TMEM164: variants seen among roughly 807,000 people sequenced by gnomAD.
The protein encoded by TMEM164 is RP13-360B22.2.
A neutral mutation model predicts 18.8 loss-of-function variants in TMEM164; 4 were observed. The ratio of observed to expected loss-of-function variants is 0.21; its 90% CI spans 0.10 to 0.49. The LOEUF is 0.49. TMEM164 is among the 20% of genes least tolerant of loss of function. TMEM164 has a pLI of 0.98. For synonymous variants in TMEM164, 86 were observed against 101.7 expected (o/e 0.85, Z 0.93); for missense variants, 108 against 239.9 (o/e 0.45, Z 3.63).
intron 5 of TMEM164, among the ~76,000 whole-genome samples, chrX:110,151,909 A>G (rs887019600): frequency 1.8e-5 from 2 of 112,166 alleles, no homozygotes; most frequent in Non-Finnish European, 3.8e-5. Flanking sequence ...AGCTTGTTAC[A>G]TATAAATATT....
intron 3 of TMEM164, among the ~76,000 whole-genome samples, chrX:110,072,946 A>G (rs1164834955): frequency 9.1e-6 from 1 of 110,448 alleles, no homozygotes; most frequent in East Asian, 2.8e-4. Flanking sequence ...TCAGGTAGTG[A>G]TGAGCATAGT....
intron 3 of TMEM164, among the ~76,000 whole-genome samples, chrX:110,080,633 A>T (rs2065739334): frequency 8.9e-6 from 1 of 112,397 alleles, no homozygotes; most frequent in Admixed American, 9.5e-5. Flanking sequence ...AAATATAGTT[A>T]TACCTTATAT....
At chrX:110,066,542 A>G (rs1007363551) in intron 2 of TMEM164, among the ~76,000 whole-genome samples, 2 of 112,455 alleles carry the variant, frequency 1.8e-5, no homozygotes, top group African/African-American at 6.5e-5. Context: ...GGGAATCAGA[A>G]TTCTTAATGG....
intron 2 of TMEM164, among the ~76,000 whole-genome samples, chrX:110,033,966 C>G: frequency 9.0e-6 from 1 of 110,829 alleles, no homozygotes; most frequent in Non-Finnish European, 1.9e-5. Context: ...CCCCCCCGCC[C>G]CACCGCCCAC....
chrX:110,028,990 T>C (rs1934329832), intron 2 of TMEM164, among the ~76,000 whole-genome samples: 1 of 109,816 alleles, frequency 9.1e-6, no homozygotes, highest in African/African-American at 3.4e-5. Context: ...CATCTATTGA[T>C]CAAAATGTTC....
chrX:110,067,166 A>ACG (rs1936383367), intron 2 of TMEM164, among the ~76,000 whole-genome samples, 181 bp from the exon 3 acceptor site: 1 of 110,820 alleles, frequency 9.0e-6, no homozygotes, highest in Non-Finnish European at 1.9e-5. Context: ...ACACACACAC[A>ACG]CACACACACA....
At chrX:110,006,661 A>C (rs1932747282) in intron 2 of TMEM164, among the ~76,000 whole-genome samples, 1 of 112,178 alleles carries the variant, frequency 8.9e-6, no homozygotes, top group Non-Finnish European at 1.9e-5. Context: ...GACCAATGAT[A>C]GTATGTATAC....
chrX:110,006,076 G>A (rs1185505589), intron 2 of TMEM164, among the ~76,000 whole-genome samples: 3 of 111,612 alleles, frequency 2.7e-5, no homozygotes, highest in Non-Finnish European at 5.6e-5. Flanking sequence ...TACTCTTCCT[G>A]GGCCTCAGTT....
intron 4 of TMEM164, among the ~76,000 whole-genome samples, chrX:110,123,479 C>T (rs2066480748): frequency 1.8e-5 from 2 of 112,043 alleles, no homozygotes; most frequent in South Asian, 3.7e-4. Context: ...GATTGACTAG[C>T]CTGAGGCCAC....
chrX:110,134,266 C>G (rs1167038576), intron 4 of TMEM164, among the ~76,000 whole-genome samples: 1 of 110,900 alleles, frequency 9.0e-6, no homozygotes, highest in Non-Finnish European at 1.9e-5. Flanking sequence ...AAAGGAAGGA[C>G]CAGCCAGACA....
At chrX:110,030,527 A>G (rs1459332179) in intron 2 of TMEM164, among the ~76,000 whole-genome samples, 1 of 107,776 alleles carries the variant, frequency 9.3e-6, no homozygotes, top group African/African-American at 3.4e-5. Flanking sequence ...CATTTAAAAG[A>G]TAGTACATTC....
chrX:110,081,453 G>A (rs1397247939), intron 3 of TMEM164, among the ~76,000 whole-genome samples: 1 of 111,407 alleles, frequency 9.0e-6, no homozygotes, highest in Non-Finnish European at 1.9e-5. Flanking sequence ...ACTAATAGTA[G>A]TACTGGTACT....
chrX:110,002,427 A>C (rs1013974447), upstream of TMEM164, among the ~76,000 whole-genome samples: 1 of 108,404 alleles, frequency 9.2e-6, no homozygotes, highest in East Asian at 2.9e-4. Context: ...AGGAGGAGGG[A>C]GAGCCGAAGC....
At position 110,021,609 on chromosome X, in the gene TMEM164, C is replaced by G. The variant is rs749170172; in HGVS notation, c.390+17445C>G. ...GACACTCATTGCTATGAGGAAACAT[C>G]AGTGTGAAGCGGGGAGCAGGGTAGT... On this transcript the variant is annotated intron_variant, in intron 2 of 6. Coordinates refer to ENST00000372068, the MANE Select transcript of TMEM164 (RefSeq NM_032227.4). 9.0e-5 allele frequency among the ~76,000 whole-genome samples: 10 copies of G among 111,318 alleles called. No homozygotes were observed. The South Asian group carries it at 3.8e-3, about 42-fold the overall frequency.
chrX:110,107,299 C>A (rs1186040034), intron 3 of TMEM164, among the ~76,000 whole-genome samples: 1 of 111,612 alleles, frequency 9.0e-6, no homozygotes, highest in African/African-American at 3.3e-5. Flanking sequence ...GTGGTGTTGA[C>A]CAGATCACCT....
chrX:110,039,439 C>T lies in TMEM164; in HGVS notation c.391-27908C>T, dbSNP rs185121465. ...GAGAGCTGGATGAGTAAGGAAAACTCGAGAGCGGCCTTTGCCAAGGAAATC... is the reference window on the plus strand; with the variant it reads ...GAGAGCTGGATGAGTAAGGAAAACTTGAGAGCGGCCTTTGCCAAGGAAATC... On this transcript the variant is annotated intron_variant, in intron 2 of 6. Coordinates refer to ENST00000372068, the MANE Select transcript of TMEM164 (RefSeq NM_032227.4). Among the ~76,000 whole-genome samples the T allele has an allele frequency of 8.9e-5, 10 of 112,615 alleles. No homozygotes were observed. The Admixed American group carries it at 9.4e-4, about 11-fold the overall frequency.
rs1303896538 is a variant in TMEM164, at chrX:110,092,358, A to G, written c.441-16722A>G. ...ATCCATGAGCATGGAATGTTCTTCCATTTGTTTGTATCCTCTTTTATTTCA... is the reference window on the plus strand; with the variant it reads ...ATCCATGAGCATGGAATGTTCTTCCGTTTGTTTGTATCCTCTTTTATTTCA... On this transcript the variant is annotated intron_variant, in intron 3 of 6. Transcript: ENST00000372068. 5.4e-5 allele frequency among the ~76,000 whole-genome samples: 6 copies of G among 111,905 alleles called. No individual in the cohort carries two copies. The Admixed American group carries it at 5.7e-4, about 11-fold the overall frequency.
chrX:110,047,477 C>T (rs1935364466), intron 2 of TMEM164, among the ~76,000 whole-genome samples: 1 of 112,005 alleles, frequency 8.9e-6, no homozygotes, highest in African/African-American at 3.3e-5. Context: ...AGCTAGTCAT[C>T]CCCAACATAT....
intron 5 of TMEM164, among the ~76,000 whole-genome samples, chrX:110,169,856 G>C (rs1391371516): frequency 9.0e-6 from 1 of 111,247 alleles, no homozygotes; most frequent in African/African-American, 3.3e-5. Flanking sequence ...AGGGGTGTGG[G>C]CTTTTCAGTT....
Sources: gnomAD v4.1 joint callset for allele counts (sites outside exome capture counted in the v4.1 genomes callset) on GRCh38, gnomAD v4.1.1 for gene constraint, MANE v1.5 for transcripts, NCBI Gene and HGNC (gene_info 2026-07-23, HGNC 2026-07-21) for gene names.